The following PHB1 variants were observed in gnomAD, a reference collection of about 807,000 sequenced individuals.
The protein encoded by PHB1 is prohibitin 1, also known as epididymis luminal protein 215.
chr17:49,409,078 G>A, the PHB1 span: 10 of 1,611,708 alleles, frequency 6.2e-6, no homozygotes, highest in East Asian at 1.3e-4. Flanking sequence ...CAAAGGTGGC[G>A]GCTCGCTCTG....
chr17:49,409,524 A>G, the PHB1 span: 1 of 1,493,800 alleles, frequency 6.7e-7, no homozygotes. Context: ...CACTGTAGGA[A>G]AACAAGTGTT....
the PHB1 span, chr17:49,404,699 C>T: frequency 2.3e-6 from 1 of 443,482 alleles, no homozygotes; most frequent in East Asian, 4.7e-5. Context: ...TGCTGGTGCC[C>T]AGGCCGGAAC....
chr17:49,412,563 G>GA, the PHB1 span: 1 of 152,638 alleles, frequency 6.6e-6, no homozygotes, highest in African/African-American at 2.4e-5. Context: ...TGCAGCATGT[G>GA]AAAGTGTCAG....
At chr17:49,406,894 T>C in the PHB1 span, 1 of 1,424,746 alleles carries the variant, frequency 7.0e-7, no homozygotes. Flanking sequence ...GCAGTGTGAT[T>C]GCTTCGACAG....
At chr17:49,409,251 A>T in the PHB1 span, 1 of 1,592,200 alleles carries the variant, frequency 6.3e-7, no homozygotes, top group Non-Finnish European at 8.6e-7. Flanking sequence ...CAACCAACCC[A>T]CTGCCAAGCG....
chr17:49,405,305 G>T, the PHB1 span: 71 of 982,788 alleles, frequency 7.2e-5, no homozygotes, highest in Non-Finnish European at 1.0e-4. Flanking sequence ...CCAGGCTCCT[G>T]AAGGAACTCG....
chr17:49,406,647 TCC>T, the PHB1 span: 11 of 785,968 alleles, frequency 1.4e-5, no homozygotes, highest in Non-Finnish European at 2.5e-5. Context: ...CTTCTGATTA[TCC>T]CGGAAGAAGG....
the PHB1 span, chr17:49,405,291 C>T: frequency 8.8e-7 from 1 of 1,130,654 alleles, no homozygotes; most frequent in Non-Finnish European, 1.3e-6. Flanking sequence ...AGAAAGCCAC[C>T]TTCCCAGGCT....
At chr17:49,405,287 C>T in the PHB1 span, 2 of 1,184,922 alleles carry the variant, frequency 1.7e-6, no homozygotes, top group Non-Finnish European at 2.4e-6. Flanking sequence ...CACCAGAAAG[C>T]CACCTTCCCA....
the PHB1 span, among the ~76,000 whole-genome samples, chr17:49,410,267 C>T: frequency 2.6e-5 from 4 of 152,198 alleles, no homozygotes; most frequent in African/African-American, 9.7e-5. Context: ...ATTTCTCCTG[C>T]CTCAGCCTCT....
chr17:49,413,247 A>G, the PHB1 span: 2 of 1,608,858 alleles, frequency 1.2e-6, no homozygotes, highest in African/African-American at 1.3e-5. Context: ...CAATGGACTC[A>G]AACACTTTGG....
chr17:49,404,596 C>T, the PHB1 span: 8 of 290,906 alleles, frequency 2.8e-5, no homozygotes, highest in East Asian at 8.1e-4. Flanking sequence ...CGCAAACCTT[C>T]CATCAGTGAC....
chr17:49,409,693 C>A, the PHB1 span, among the ~76,000 whole-genome samples: 1 of 151,660 alleles, frequency 6.6e-6, no homozygotes, highest in Admixed American at 6.6e-5. Flanking sequence ...AGGCACGCGC[C>A]GCCACACCCA....
the PHB1 span, chr17:49,409,543 G>GT: frequency 0.2 from 160,522 of 806,128 alleles, 3,634 homozygotes; most frequent in East Asian, 0.24. Context: ...TTTTTTTTTT[G>GT]TTTTTTTTTT....
the PHB1 span, among the ~76,000 whole-genome samples, chr17:49,406,282 TGCAAATACCAGAAAGACCAGGCTGCTAC>T: frequency 6.6e-6 from 1 of 152,210 alleles, no homozygotes; most frequent in East Asian, 1.9e-4. Context: ...AACATGTCTT[TGCAAATACCAGAAAGACCAGGCTGCTAC>T]GCAAATACAC....
chr17:49,409,433 C>A, the PHB1 span: 1 of 1,614,022 alleles, frequency 6.2e-7, no homozygotes, highest in Admixed American at 1.7e-5. Flanking sequence ...TGGCGACAGG[C>A]CGGAAGAGGA....
the PHB1 span, among the ~76,000 whole-genome samples, chr17:49,410,252 T>C: frequency 1.1e-4 from 16 of 151,924 alleles, no homozygotes; most frequent in Non-Finnish European, 2.4e-4. Context: ...CTCCTGAGCT[T>C]AAGCATTTCT....
chr17:49,413,623 C>T, the PHB1 span, among the ~76,000 whole-genome samples: 2 of 151,748 alleles, frequency 1.3e-5, no homozygotes, highest in Admixed American at 1.3e-4. Context: ...ATCTTCTCAC[C>T]TCAACCTCCC....
the PHB1 span, among the ~76,000 whole-genome samples, chr17:49,410,983 G>A: frequency 9.6e-3 from 1,454 of 152,198 alleles, 14 homozygotes; most frequent in South Asian, 0.022. Flanking sequence ...GCACTGTCAC[G>A]GCTTGCTTAC....
Sources: allele counts gnomAD v4.1 joint callset (sites outside exome capture counted in the v4.1 genomes callset), GRCh38; gene constraint gnomAD v4.1.1; transcripts MANE v1.5; gene names NCBI Gene and HGNC (gene_info 2026-07-23, HGNC 2026-07-21).